KCNQ5: variants seen among roughly 807,000 people sequenced by gnomAD.
KCNQ5 encodes potassium voltage-gated channel subfamily Q member 5.
A neutral mutation model predicts 98.2 loss-of-function variants in KCNQ5; 30 were observed. The ratio of observed to expected loss-of-function variants is 0.31; its 90% CI spans 0.23 to 0.41. The LOEUF (loss-of-function observed/expected upper bound fraction) is 0.41. KCNQ5 is among the 10% of genes least tolerant of loss of function. The probability of loss-of-function intolerance (pLI) is 1.00; values close to 1 mark genes in which losing one functional copy is unlikely to be tolerated. For missense variants in KCNQ5, 835 were observed against 1,182.5 expected (o/e 0.71, Z 4.31); for synonymous variants, 458 against 449.4 (o/e 1.02, Z -0.24).
At chr6:73,173,009 C>A (rs1778069367) in intron 11 of KCNQ5, among the ~76,000 whole-genome samples, 1 of 152,130 alleles carries the variant, frequency 6.6e-6, no homozygotes, top group Non-Finnish European at 1.5e-5. Flanking sequence ...AGGACACTCT[C>A]TGAATTTGTC....
rs1765884055 is a variant in KCNQ5 at position 72,935,657 on chromosome 6, C to G, written c.399-68251C>G. ...CCTTGGCTCTGTTATCCCCATCCAG[C>G]TTATGCCTATTTCTCTGTTCCTCTT... On this transcript the variant is annotated intron_variant, in intron 1 of 13. Coordinates refer to ENST00000370398, the MANE Select transcript of KCNQ5 (RefSeq NM_019842.4). Among the ~76,000 whole-genome samples, 6 of 152,292 alleles carry G rather than the reference C, an allele frequency of 3.9e-5. 1 individual carries two copies. In the South Asian group the frequency reaches 1.2e-3, roughly 32 times the overall value.
chr6:72,773,219 A>G (rs959372935), intron 1 of KCNQ5, among the ~76,000 whole-genome samples: 1 of 152,170 alleles, frequency 6.6e-6, no homozygotes, highest in Admixed American at 6.6e-5. Flanking sequence ...TAGCAAAGAC[A>G]TGGAACCAAC....
intron 7 of KCNQ5, among the ~76,000 whole-genome samples, chr6:73,114,074 C>A (rs960127268): frequency 6.6e-6 from 1 of 152,002 alleles, no homozygotes; most frequent in Admixed American, 6.5e-5. Context: ...CATTTAAATG[C>A]AATTAATTTA....
chr6:72,993,909 A>G (rs1394333728), intron 1 of KCNQ5, among the ~76,000 whole-genome samples: 1 of 77,312 alleles, frequency 1.3e-5, no homozygotes, highest in South Asian at 5.8e-4. Context: ...GTCTGTTGGA[A>G]TACCCTGCCG....
intron 10 of KCNQ5, 85 bp downstream of exon 10, chr6:73,133,726 A>G: frequency 1.7e-6 from 2 of 1,169,064 alleles, no homozygotes; most frequent in Non-Finnish European, 2.5e-6. Context: ...CCATAGTGCC[A>G]CTTGAAGAAA....
rs144924911 is a variant in KCNQ5, at chr6:73,192,679, G to A, written c.1824G>A (p.Lys608=). 3.7e-4 allele frequency: 589 copies of A among 1,587,278 alleles called. 4 individuals carry two copies. In the African/African-American group the frequency reaches 7.0e-3, roughly 19 times the overall value. The part of the protein sequence containing the change: ...DDLSMLGRVV[K]VEKQVQSIES... The stretch of plus-strand genomic sequence containing the variant: ...TCAGTATGCTCGGTCGGGTGGTCAA[G>A]GTTGAAAAACAGGTACAACTCAACT... The change falls in exon 13 of 14, where the codon AAG becomes AAA. Residue 608 remains lysine, a synonymous_variant. Transcript: ENST00000370398.
chr6:72,714,511 TG>T (rs1561938125), intron 1 of KCNQ5, among the ~76,000 whole-genome samples: 1 of 152,188 alleles, frequency 6.6e-6, no homozygotes, highest in African/African-American at 2.4e-5. Flanking sequence ...TTAAATACTC[TG>T]CTTTTCCTTT....
chr6:72,929,363 T>C (rs548421736), intron 1 of KCNQ5, among the ~76,000 whole-genome samples: 20 of 152,232 alleles, frequency 1.3e-4, no homozygotes, highest in East Asian at 5.8e-4. Context: ...GCCCACTCCC[T>C]AAACCTCCCA....
chr6:72,673,909 T>C (rs1767267820), intron 1 of KCNQ5, among the ~76,000 whole-genome samples: 1 of 152,196 alleles, frequency 6.6e-6, no homozygotes, highest in Admixed American at 6.5e-5. Context: ...TTGAACCAAA[T>C]GTTCTCAAAC....
At chr6:72,633,485 A>G (rs1415184708) in intron 1 of KCNQ5, among the ~76,000 whole-genome samples, 1 of 152,238 alleles carries the variant, frequency 6.6e-6, no homozygotes, top group Admixed American at 6.5e-5. Context: ...CAATTTACAG[A>G]TTCAATGTTA....
chr6:72,934,356 G>C (rs9784851), intron 1 of KCNQ5, among the ~76,000 whole-genome samples: 1 of 151,868 alleles, frequency 6.6e-6, no homozygotes, highest in Non-Finnish European at 1.5e-5. Context: ...TGATGACGGT[G>C]GTGGTGGTAA....
chr6:72,652,960 T>A (rs182288896), intron 1 of KCNQ5, among the ~76,000 whole-genome samples: 1 of 152,124 alleles, frequency 6.6e-6, no homozygotes, highest in Non-Finnish European at 1.5e-5. Context: ...CCAAATGCTG[T>A]TTACAGCATT....
intron 1 of KCNQ5, among the ~76,000 whole-genome samples, chr6:72,698,455 G>A (rs1199608203): frequency 4.6e-5 from 7 of 151,892 alleles, no homozygotes; most frequent in Non-Finnish European, 7.4e-5. Flanking sequence ...CACCTGCTTC[G>A]GCCTCCCAAA....
chr6:72,782,494 T>A (rs2154477920), intron 1 of KCNQ5, among the ~76,000 whole-genome samples: 1 of 152,310 alleles, frequency 6.6e-6, no homozygotes, highest in African/African-American at 2.4e-5. Flanking sequence ...ATGCACCATT[T>A]TCCTTTTAAA....
chr6:72,851,775 T>A (rs1777268183), intron 1 of KCNQ5, among the ~76,000 whole-genome samples: 1 of 152,062 alleles, frequency 6.6e-6, no homozygotes, highest in Admixed American at 6.6e-5. Context: ...TTAATAAAGT[T>A]AAGAATAGTT....
intron 8 of KCNQ5, among the ~76,000 whole-genome samples, chr6:73,123,794 G>T (rs1206647575): frequency 6.6e-6 from 1 of 152,094 alleles, no homozygotes; most frequent in Admixed American, 6.6e-5. Flanking sequence ...GTGGGGATTT[G>T]GAGATTATCT....
intron 3 of KCNQ5, among the ~76,000 whole-genome samples, chr6:73,052,318 A>G (rs563435459): frequency 5.3e-5 from 8 of 152,236 alleles, no homozygotes; most frequent in Non-Finnish European, 1.5e-5. Context: ...AACATATTTC[A>G]GGATATCATC....
chr6:72,862,792 TAA>T (rs1347695919), intron 1 of KCNQ5, among the ~76,000 whole-genome samples: 1 of 152,072 alleles, frequency 6.6e-6, no homozygotes, highest in Non-Finnish European at 1.5e-5. Context: ...CATGCCTGGC[TAA>T]GTTTTTAATT....
At chr6:73,159,235 C>G (rs980153673) in intron 10 of KCNQ5, among the ~76,000 whole-genome samples, 8 of 152,186 alleles carry the variant, frequency 5.3e-5, no homozygotes, top group African/African-American at 1.9e-4. Context: ...CCTCACCAAA[C>G]TAACACAGGA....
Sources: allele counts gnomAD v4.1 joint callset (sites outside exome capture counted in the v4.1 genomes callset), GRCh38; gene constraint gnomAD v4.1.1; transcripts MANE v1.5; gene names NCBI Gene and HGNC (gene_info 2026-07-23, HGNC 2026-07-21).